The following RTN4IP1 variants were observed in gnomAD, a reference collection of about 807,000 sequenced individuals.
RTN4IP1 encodes the protein reticulon 4 interacting protein 1.
Under a neutral mutation model 46.6 loss-of-function variants are expected in RTN4IP1, and 32 were observed. The observed-to-expected ratio is 0.69, with a 90% confidence interval of 0.52 to 0.92. The LOEUF is 0.92. Among genes scored for constraint, RTN4IP1 ranks in the 40% least tolerant of loss-of-function variants. The pLI is 0.00. For missense variants in RTN4IP1, 424 were observed against 485.8 expected (o/e 0.87, Z 1.20); for synonymous variants, 167 against 161.8 (o/e 1.03, Z -0.24).
intron 4 of RTN4IP1, among the ~76,000 whole-genome samples, chr6:106,605,323 G>T (rs899523035): frequency 6.6e-6 from 1 of 151,760 alleles, no homozygotes; most frequent in African/African-American, 2.4e-5. Context: ...AGTCCCAGGA[G>T]GCTGAGGCAT....
At chr6:106,621,044 G>A (rs1776473243) in intron 3 of RTN4IP1, among the ~76,000 whole-genome samples, 1 of 152,052 alleles carries the variant, frequency 6.6e-6, no homozygotes, top group African/African-American at 2.4e-5. Flanking sequence ...TCTCCTGACT[G>A]TATTTGATTA....
At chr6:106,574,744 C>A (rs1012032593) in intron 8 of RTN4IP1, among the ~76,000 whole-genome samples, 3 of 152,178 alleles carry the variant, frequency 2.0e-5, no homozygotes, top group African/African-American at 7.2e-5. Context: ...CCCATCCATT[C>A]CACAGACTGA....
chr6:106,623,671 T>C (rs1191077659), intron 1 of RTN4IP1, among the ~76,000 whole-genome samples: 2 of 152,268 alleles, frequency 1.3e-5, no homozygotes, highest in Non-Finnish European at 2.9e-5. Flanking sequence ...GTTCAAAATA[T>C]TTTTGAAATT....
chr6:106,577,305 T>C (rs1379044171), intron 8 of RTN4IP1, among the ~76,000 whole-genome samples: 1 of 151,702 alleles, frequency 6.6e-6, no homozygotes, highest in East Asian at 1.9e-4. Context: ...GTCAGGGGCA[T>C]TCCTGTCCAA....
Position 106,598,149 on chromosome 6 carries a change from T to C in RTN4IP1, c.669+4725A>G, listed in dbSNP as rs1381020692. On this transcript the variant is annotated intron_variant, in intron 5 of 8. Transcript: ENST00000369063. ...TTTGCTATTGTGAATAATGCCGCAA[T>C]AAACATACGTGTGCATGTGTCTTTA... Among the ~76,000 whole-genome samples, 5 of 152,244 alleles carry C rather than the reference T, an allele frequency of 3.3e-5. No homozygotes were observed. The South Asian group carries it at 8.3e-4, about 25-fold the overall frequency.
chr6:106,607,680 T>C (rs1776120057), intron 4 of RTN4IP1: 1 of 152,116 alleles, frequency 6.6e-6, no homozygotes, highest in Admixed American at 6.6e-5. Context: ...TCTCTCACCC[T>C]AGTTAGAATG....
At position 106,587,670 on chromosome 6, in the gene RTN4IP1, T is replaced by C; in HGVS notation, c.990+9A>G. On this transcript the variant is annotated intron_variant, in intron 7 of 8. Coordinates refer to ENST00000369063, the MANE Select transcript of RTN4IP1 (RefSeq NM_032730.5). ...GCCTGCAGTCACCAACCAAGACCCT[T>C]CTTCCTACCTTTAATGCCTTTGAAC... The C allele has an allele frequency of 1.2e-6, 2 of 1,603,294 alleles. No homozygotes were observed. Among genetic ancestry groups the C allele is most frequent in the Non-Finnish European group, 1.7e-6 (2 of 1,173,392 alleles).
At chr6:106,585,913 C>T (rs1248895452) in intron 7 of RTN4IP1, among the ~76,000 whole-genome samples, 1 of 152,158 alleles carries the variant, frequency 6.6e-6, no homozygotes, top group Non-Finnish European at 1.5e-5. Flanking sequence ...CATTTTAAAG[C>T]ACTGGAAAAT....
chr6:106,576,137 C>T (rs867240293), intron 8 of RTN4IP1, among the ~76,000 whole-genome samples: 7 of 152,140 alleles, frequency 4.6e-5, no homozygotes, highest in Non-Finnish European at 7.3e-5. Flanking sequence ...CTCAGTCTAC[C>T]TTTAGACAAA....
chr6:106,625,028 T>C (rs1467445743), intron 1 of RTN4IP1, among the ~76,000 whole-genome samples: 2 of 152,176 alleles, frequency 1.3e-5, no homozygotes, highest in East Asian at 3.9e-4. Context: ...CTTTTAATTT[T>C]TTGGTTCAAG....
At position 106,571,935 on chromosome 6, in the gene RTN4IP1, A is replaced by AT; in HGVS notation, c.*60dup. ...GTTTGAAAGGGATGGCTAGAAAAAA[A>AT]TTTGGGCTCACAGGCACTCACCAAA... On this transcript the variant is annotated 3_prime_UTR_variant, in exon 9 of 9. Transcript: ENST00000369063. The AT allele has an allele frequency of 8.6e-7, 1 of 1,166,088 alleles. No homozygotes were observed. The highest frequency in any genetic ancestry group is 2.3e-5 in the East Asian group (1 of 42,590). The allele number at this position is 1,166,088 out of a possible 1,614,324, so 72.2% of individuals were successfully genotyped here. A position where few individuals can be genotyped will look rare whatever the true frequency, so the allele number is the denominator to read the frequency against.
intron 1 of RTN4IP1, among the ~76,000 whole-genome samples, chr6:106,627,448 G>T (rs1410861794): frequency 6.6e-6 from 1 of 152,054 alleles, no homozygotes; most frequent in African/African-American, 2.4e-5. Flanking sequence ...ATATAAAAAG[G>T]CATAGAAATA....
chr6:106,607,309 T>C (rs974157772), intron 4 of RTN4IP1, among the ~76,000 whole-genome samples: 1 of 151,700 alleles, frequency 6.6e-6, no homozygotes, highest in Admixed American at 6.6e-5. Flanking sequence ...GAAGAAAGCA[T>C]ATGGGAATAC....
intron 8 of RTN4IP1, among the ~76,000 whole-genome samples, chr6:106,576,903 C>G (rs567967369): frequency 1.3e-5 from 2 of 152,288 alleles, no homozygotes; most frequent in East Asian, 3.9e-4. Flanking sequence ...CCACCATCTA[C>G]TGGGTCAAGT....
Position 106,571,852 on chromosome 6 carries a change from T to G in RTN4IP1, c.*144A>C. 1.7e-6 allele frequency: 1 copy of G among 579,288 alleles called. No individual in the cohort carries two copies. 35.9% of individuals were successfully genotyped at this position (579,288 alleles called of 1,614,324 possible). On this transcript the variant is annotated 3_prime_UTR_variant, in exon 9 of 9. Coordinates refer to ENST00000369063, the MANE Select transcript of RTN4IP1 (RefSeq NM_032730.5). The stretch of plus-strand genomic sequence containing the variant: ...TTTTTATATCAATTACTGGCCAAAA[T>G]GGTGTGTTTATTTTTTAAAGCTTGT...
chr6:106,619,353 T>G (rs1447827284), intron 3 of RTN4IP1, 27 bp from the exon 4 acceptor site: 1 of 1,613,540 alleles, frequency 6.2e-7, no homozygotes, highest in Admixed American at 1.7e-5. Context: ...CAGTCAAAAA[T>G]AAGCAATGAC....
intron 7 of RTN4IP1, among the ~76,000 whole-genome samples, chr6:106,584,966 G>A (rs1242332466): frequency 6.6e-6 from 1 of 152,176 alleles, no homozygotes; most frequent in Non-Finnish European, 1.5e-5. Context: ...TCTAGAATTG[G>A]TGTGATGAGA....
chr6:106,615,211 G>A (rs1236254582), intron 4 of RTN4IP1, among the ~76,000 whole-genome samples: 2 of 152,192 alleles, frequency 1.3e-5, no homozygotes, highest in Admixed American at 1.3e-4. Flanking sequence ...GAAACAGGTG[G>A]TGGTGGGGTG....
intron 1 of RTN4IP1, among the ~76,000 whole-genome samples, chr6:106,626,893 C>G (rs1408109117): frequency 6.6e-6 from 1 of 152,122 alleles, no homozygotes; most frequent in African/African-American, 2.4e-5. Flanking sequence ...GCATTTTTTC[C>G]CCATGTAAAA....
Sources: gnomAD v4.1 joint callset for allele counts (sites outside exome capture counted in the v4.1 genomes callset) on GRCh38, gnomAD v4.1.1 for gene constraint, MANE v1.5 for transcripts, NCBI Gene and HGNC (gene_info 2026-07-23, HGNC 2026-07-21) for gene names.